Variants in SOX5 observed in about 807,000 individuals in gnomAD.
SOX5 encodes the protein transcription factor SOX-5.
A neutral mutation model predicts 92.0 loss-of-function variants in SOX5; 9 were observed. That is an observed-to-expected ratio of 0.10 (90% CI 0.06 to 0.17). SOX5 has a LOEUF of 0.17. Ranked by LOEUF, SOX5 falls within the 10% of genes least tolerant of loss-of-function variation. The pLI is 1.00. For missense variants in SOX5, 642 were observed against 944.5 expected (o/e 0.68, Z 4.20); for synonymous variants, 344 against 336.3 (o/e 1.02, Z -0.25).
chr12:24,245,963 G>T (rs1174453096), intron 3 of SOX5, among the ~76,000 whole-genome samples: 2 of 152,122 alleles, frequency 1.3e-5, no homozygotes, highest in African/African-American at 4.8e-5. Context: ...GGCAGAAAAT[G>T]GCTTTAGTGT....
Position 23,979,707 on chromosome 12 carries a change from GTTTTTTTTTTT to G in SOX5, c.-1-83694_-1-83684del, listed in dbSNP as rs1177945407. Among the ~76,000 whole-genome samples, 152 of 77,504 alleles carry G rather than the reference GTTTTTTTTTTT, an allele frequency of 2.0e-3. 2 individuals carry two copies. Among genetic ancestry groups the G allele is most frequent in the African/African-American group, 7.6e-3 (137 of 18,108 alleles). The allele number at this position is 77,504 out of a possible 152,430, so 50.8% of individuals were successfully genotyped here. ...CCATATATATATATATGTTTTTTTT[GTTTTTTTTTTT>G]TTTTTTTTTTTTTTTTGGAGACAGG... is the stretch of plus-strand genomic sequence containing the variant. On this transcript the variant is annotated intron_variant, in intron 4 of 4. Coordinates refer to the SOX5 transcript ENST00000446891.
chr12:23,888,704 A>G (rs1595397318), intron 2 of SOX5, among the ~76,000 whole-genome samples: 1 of 152,236 alleles, frequency 6.6e-6, no homozygotes, highest in East Asian at 1.9e-4. Flanking sequence ...CAATGCAAGT[A>G]TAATGATTGA....
chr12:24,028,130 A>G (rs557433922), intron 4 of SOX5, among the ~76,000 whole-genome samples: 21 of 151,950 alleles, frequency 1.4e-4, no homozygotes, highest in Non-Finnish European at 2.6e-4. Context: ...CTAGATTATG[A>G]CACTTCCCTC....
chr12:24,052,737 G>C (rs1461849734), intron 4 of SOX5, among the ~76,000 whole-genome samples: 2 of 152,188 alleles, frequency 1.3e-5, no homozygotes, highest in African/African-American at 4.8e-5. Flanking sequence ...ACTTCAACCA[G>C]ATGCTACATA....
At chr12:24,373,757 GA>G (rs1330784863) in intron 1 of SOX5, among the ~76,000 whole-genome samples, 1 of 152,112 alleles carries the variant, frequency 6.6e-6, no homozygotes, top group African/African-American at 2.4e-5. Context: ...TTTACTTTTT[GA>G]AACTAAGGTG....
At chr12:23,764,446 A>C (rs1349044908) in intron 3 of SOX5, among the ~76,000 whole-genome samples, 4 of 152,108 alleles carry the variant, frequency 2.6e-5, no homozygotes, top group Admixed American at 2.6e-4. Context: ...CACAAGGCAA[A>C]TTTATAAACA....
intron 4 of SOX5, among the ~76,000 whole-genome samples, chr12:24,178,741 G>A (rs1955125525): frequency 6.6e-6 from 1 of 152,142 alleles, no homozygotes; most frequent in African/African-American, 2.4e-5. Context: ...TAAGTGCCAG[G>A]CATTGTTCTA....
At chr12:24,018,315 C>T (rs199909076) in intron 4 of SOX5, among the ~76,000 whole-genome samples, 104 of 152,158 alleles carry the variant, frequency 6.8e-4, no homozygotes, top group African/African-American at 2.2e-3. Context: ...CAATTTTCTA[C>T]GTATTTATCC....
chr12:24,390,707 A>G (rs1033688718), intron 1 of SOX5, among the ~76,000 whole-genome samples: 3 of 152,166 alleles, frequency 2.0e-5, no homozygotes, highest in Admixed American at 2.0e-4. Flanking sequence ...AATTAAGATA[A>G]TGGCCTCCAG....
At chr12:23,719,743 C>T (rs537664406) in intron 6 of SOX5, among the ~76,000 whole-genome samples, 16 of 115,910 alleles carry the variant, frequency 1.4e-4, no homozygotes, top group Admixed American at 5.2e-4. Flanking sequence ...TGAGCCTGGG[C>T]AACAGAGTGA....
intron 1 of SOX5, among the ~76,000 whole-genome samples, chr12:24,489,205 C>T (rs1946810021): frequency 6.6e-6 from 1 of 152,172 alleles, no homozygotes; most frequent in African/African-American, 2.4e-5. Flanking sequence ...CTCTCTTTTC[C>T]TAAATGACTC....
chr12:24,483,932 A>T (rs1481196600), intron 1 of SOX5, among the ~76,000 whole-genome samples: 1 of 152,228 alleles, frequency 6.6e-6, no homozygotes, highest in Non-Finnish European at 1.5e-5. Flanking sequence ...AATGTGCTGA[A>T]TCAGATATAT....
chr12:23,606,853 G>T (rs911272132), intron 8 of SOX5, among the ~76,000 whole-genome samples: 1 of 152,074 alleles, frequency 6.6e-6, no homozygotes, highest in African/African-American at 2.4e-5. Context: ...AAATGCTTTT[G>T]AGTTGAAAGG....
At chr12:24,003,386 T>C (rs1951814510) in intron 4 of SOX5, among the ~76,000 whole-genome samples, 2 of 151,886 alleles carry the variant, frequency 1.3e-5, no homozygotes, top group South Asian at 2.1e-4. Context: ...CTTCTCGGGG[T>C]GTTTGATCCT....
chr12:24,354,594 C>A (rs1565971379), intron 2 of SOX5, among the ~76,000 whole-genome samples: 1 of 152,224 alleles, frequency 6.6e-6, no homozygotes, highest in Non-Finnish European at 1.5e-5. Context: ...TCCAGGCTTT[C>A]CTGGACTGGC....
chr12:24,018,290 G>A (rs961055829), intron 4 of SOX5, among the ~76,000 whole-genome samples: 1 of 152,076 alleles, frequency 6.6e-6, no homozygotes, highest in Admixed American at 6.6e-5. Context: ...CATTTGCTTA[G>A]ATTTTTTTTA....
At chr12:24,437,642 T>C (rs1939702567) in intron 1 of SOX5, among the ~76,000 whole-genome samples, 1 of 152,078 alleles carries the variant, frequency 6.6e-6, no homozygotes, top group South Asian at 2.1e-4. Flanking sequence ...AACAGACACT[T>C]CTCAAAAGAA....
intron 1 of SOX5, among the ~76,000 whole-genome samples, chr12:24,475,816 T>C (rs1159547365): frequency 4.6e-5 from 7 of 151,972 alleles, no homozygotes; most frequent in Non-Finnish European, 1.0e-4. Context: ...ACTCCATTCC[T>C]ACAGAAAATT....
chr12:24,529,274 T>C (rs973989412), intron 1 of SOX5, among the ~76,000 whole-genome samples: 1 of 152,204 alleles, frequency 6.6e-6, no homozygotes, highest in Non-Finnish European at 1.5e-5. Context: ...ATTCAGATAA[T>C]ACATTACTTT....
Sources: gnomAD v4.1 joint callset for allele counts (sites outside exome capture counted in the v4.1 genomes callset) on GRCh38, gnomAD v4.1.1 for gene constraint, MANE v1.5 for transcripts, NCBI Gene and HGNC (gene_info 2026-07-23, HGNC 2026-07-21) for gene names.